The following PRDM15 variants were observed in gnomAD, a reference collection of about 807,000 sequenced individuals.
PRDM15 encodes PR domain zinc finger protein 15.
In PRDM15, 64 loss-of-function variants were observed where a neutral mutation model predicts 128.6. The ratio of observed to expected loss-of-function variants is 0.50; its 90% CI spans 0.41 to 0.61. The LOEUF (loss-of-function observed/expected upper bound fraction) is 0.61, where lower values mean the gene tolerates loss of function less well. Ranked by LOEUF, PRDM15 falls within the 20% of genes least tolerant of loss-of-function variation. PRDM15 has a pLI of 0.00. For synonymous variants in PRDM15, 615 were observed against 621.8 expected (o/e 0.99, Z 0.16); for missense variants, 1,242 against 1,569.1 (o/e 0.79, Z 3.52).
At chr21:41,812,251 T>C (rs1306622912) in intron 19 of PRDM15, 17 of 152,182 alleles carry the variant, frequency 1.1e-4, no homozygotes, top group Admixed American at 1.1e-3. Context: ...TTGATTGACA[T>C]CAAACTCATA....
intron 9 of PRDM15, 97 bp from the exon 10 acceptor site, chr21:41,836,304 C>T: frequency 7.5e-7 from 1 of 1,334,364 alleles, no homozygotes; most frequent in Non-Finnish European, 1.1e-6. Context: ...CGCCTCGCTC[C>T]CACCATGCGA....
At chr21:41,851,820 C>T (rs2063438781) in intron 5 of PRDM15, among the ~76,000 whole-genome samples, 1 of 152,174 alleles carries the variant, frequency 6.6e-6, no homozygotes, top group Non-Finnish European at 1.5e-5. Flanking sequence ...TAACTGCTTG[C>T]CATTTGTCCC....
At chr21:41,836,364 C>G in intron 9 of PRDM15, 104 bp downstream of exon 9, 1 of 1,354,560 alleles carries the variant, frequency 7.4e-7, no homozygotes, top group Non-Finnish European at 1.0e-6. Flanking sequence ...ACTGGCGCAG[C>G]TCGTGGGAGA....
At chr21:41,866,139 T>C (rs2145969564) in intron 1 of PRDM15, among the ~76,000 whole-genome samples, 1 of 152,318 alleles carries the variant, frequency 6.6e-6, no homozygotes, top group Admixed American at 6.5e-5. Context: ...TAGCACCCTA[T>C]GTATAAGAGA....
intron 21 of PRDM15, among the ~76,000 whole-genome samples, chr21:41,808,148 C>T (rs1014958151): frequency 1.3e-5 from 2 of 152,192 alleles, no homozygotes; most frequent in African/African-American, 4.8e-5. Flanking sequence ...GGAGAGGAAC[C>T]GCTCAAACGC....
intron 1 of PRDM15, among the ~76,000 whole-genome samples, chr21:41,876,786 A>G (rs2064433520): frequency 6.6e-6 from 1 of 152,190 alleles, no homozygotes; most frequent in African/African-American, 2.4e-5. Context: ...CAACCAAACC[A>G]GCAGCAGGCC....
At chr21:41,871,350 CAACCTCCTG>C in intron 1 of PRDM15, 1 of 330,544 alleles carries the variant, frequency 3.0e-6, no homozygotes, top group Non-Finnish European at 5.3e-6. Flanking sequence ...CCCCACCCCC[CAACCTCCTG>C]CACCACCACC....
At chr21:41,802,997 T>G in intron 22 of PRDM15, 76 bp from the exon 23 acceptor site, 1 of 1,116,470 alleles carries the variant, frequency 9.0e-7, no homozygotes, top group Non-Finnish European at 1.4e-6. Context: ...GCCCCAGCAC[T>G]GCCCTGGACA....
chr21:41,858,646 G>A (rs553741891), intron 3 of PRDM15, among the ~76,000 whole-genome samples: 22 of 152,336 alleles, frequency 1.4e-4, no homozygotes, highest in South Asian at 1.0e-3. Flanking sequence ...CCCTCAGGGC[G>A]GGCAGGAGGC....
intron 18 of PRDM15, among the ~76,000 whole-genome samples, chr21:41,818,298 C>T (rs1438787353): frequency 1.3e-5 from 2 of 152,232 alleles, no homozygotes; most frequent in African/African-American, 4.8e-5. Context: ...ACCTGTCCCG[C>T]TAAGGCAGGC....
intron 1 of PRDM15, among the ~76,000 whole-genome samples, chr21:41,869,738 C>T (rs1189911438): frequency 6.6e-6 from 1 of 152,240 alleles, no homozygotes; most frequent in African/African-American, 2.4e-5. Flanking sequence ...AGCCACCAGG[C>T]CCAGCTAGAA....
chr21:41,828,206 G>C lies in PRDM15; in HGVS notation c.1494C>G (p.Arg498=), dbSNP rs746657778. 4.3e-6 allele frequency: 7 copies of C among 1,614,070 alleles called. No homozygotes were observed. The highest frequency in any genetic ancestry group is 5.9e-6 in the Non-Finnish European group (7 of 1,179,972). ...GCTGGTGGTCCAGCATGACGTCCTT[G>C]CGGTAGAACATCTTGCTGCAGACCT... ...ACEVCSKMFY[R]KDVMLDHQRR... is the part of the protein sequence containing the mutation. The change falls in exon 12 of 24, where the codon CGC becomes CGG. Residue 498 remains arginine (R), a synonymous_variant. Transcript: ENST00000398548. The surrounding 1 kb of genome is among the most constrained non-coding windows in gnomAD (Gnocchi z 5.7).
At chr21:41,814,843 T>C (rs1309685427) in intron 19 of PRDM15, 1 of 146,360 alleles carries the variant, frequency 6.8e-6, no homozygotes, top group African/African-American at 2.6e-5. Context: ...TGTTAGTGAT[T>C]GCGCACGGTG....
At chr21:41,873,979 G>A (rs2064305901) in intron 1 of PRDM15, among the ~76,000 whole-genome samples, 1 of 151,524 alleles carries the variant, frequency 6.6e-6, no homozygotes, top group South Asian at 2.1e-4. Flanking sequence ...CCAGGAGGTA[G>A]AGGCTGCAGT....
rs1214677380 is a variant in PRDM15, at chr21:41,859,246, G to C, written c.131+346C>G. 1 of 1,611,554 alleles carries C rather than the reference G, an allele frequency of 6.2e-7. No individual in the cohort carries two copies. Among genetic ancestry groups the C allele is most frequent in the Non-Finnish European group, 8.5e-7 (1 of 1,178,446 alleles). On this transcript the variant is annotated intron_variant, in intron 3 of 23. Coordinates refer to ENST00000398548, the MANE Select transcript of PRDM15 (RefSeq NM_001040424.3). This position sits in a 1 kb window ranked among gnomAD's most constrained non-coding sequence, Gnocchi z 5.3. ...GCCAAGACCTGGAATGCAGAGAGAAGCCAACGAGCAGACCTCCAGCTTGGC... is the reference window on the plus strand; with the variant it reads ...GCCAAGACCTGGAATGCAGAGAGAACCCAACGAGCAGACCTCCAGCTTGGC...
intron 19 of PRDM15, chr21:41,812,579 A>T (rs1251798430): frequency 6.6e-6 from 1 of 152,214 alleles, no homozygotes; most frequent in African/African-American, 2.4e-5. Context: ...TGATTGAGAG[A>T]GTCTGGGAAA....
intron 18 of PRDM15, 106 bp downstream of exon 18, chr21:41,819,476 C>A (rs2062171976): frequency 1.0e-6 from 1 of 979,066 alleles, no homozygotes; most frequent in Non-Finnish European, 1.4e-6. Context: ...GCCCCCGCCA[C>A]ACCCACCTTC....
chr21:41,868,997 G>A lies in PRDM15; in HGVS notation c.-9-8625C>T, dbSNP rs115556866. ...GCCACTGCGCCCGGCCCTCTTGCCC[G>A]TTTTCTAGTTGGACTGACAGGGTTA... is the stretch of plus-strand genomic sequence containing the variant. On this transcript the variant is annotated intron_variant, in intron 1 of 23. Transcript: ENST00000398548. Among the ~76,000 whole-genome samples the A allele has an allele frequency of 2.0e-3, 299 of 152,010 alleles. 3 individuals carry two copies. Among genetic ancestry groups the A allele is most frequent in the African/African-American group, 6.5e-3 (269 of 41,480 alleles).
chr21:41,879,201 G>A lies in PRDM15; in HGVS notation c.-10+69C>T. 3 of 781,382 alleles carry A rather than the reference G, an allele frequency of 3.8e-6. No individual in the cohort carries two copies. Among genetic ancestry groups the A allele is most frequent in the Non-Finnish European group, 4.6e-6 (3 of 646,026 alleles). The allele number at this position is 781,382 out of a possible 1,614,324, so 48.4% of individuals were successfully genotyped here. ...GGGCGCGCCGGGGCTCGCGGGGGCA[G>A]CGGGTGCGGCCCGGGGCCGGCGGGG... On this transcript the variant is annotated intron_variant, in intron 1 of 23. Transcript: ENST00000398548. The surrounding 1 kb of genome is among the most constrained non-coding windows in gnomAD (Gnocchi z 5.1).
Sources: gnomAD v4.1 joint callset for allele counts (sites outside exome capture counted in the v4.1 genomes callset) on GRCh38, gnomAD v4.1.1 for gene constraint, Gnocchi (gnomAD v3.1) non-coding constraint, MANE v1.5 for transcripts, NCBI Gene and HGNC (gene_info 2026-07-23, HGNC 2026-07-21) for gene names.